AFF3: variants seen among roughly 807,000 people sequenced by gnomAD.
AFF3 encodes the protein ALF transcription elongation factor 3.
A neutral mutation model predicts 129.7 loss-of-function variants in AFF3; 32 were observed. The ratio of observed to expected loss-of-function variants is 0.25; its 90% CI spans 0.19 to 0.33. The LOEUF is 0.33. Ranked by LOEUF, AFF3 falls within the 10% of genes least tolerant of loss-of-function variation. The pLI, the probability that AFF3 is intolerant of heterozygous loss-of-function variation, is 1.00. For synonymous variants in AFF3, 644 were observed against 635.4 expected (o/e 1.01, Z -0.20); for missense variants, 1,373 against 1,592.0 (o/e 0.86, Z 2.34).
chr2:100,059,095 A>G (rs1235656821), intron 4 of AFF3, among the ~76,000 whole-genome samples: 1 of 151,944 alleles, frequency 6.6e-6, no homozygotes, highest in Non-Finnish European at 1.5e-5. Flanking sequence ...TCTATTAAAA[A>G]TACAAAAATT....
intron 4 of AFF3, among the ~76,000 whole-genome samples, chr2:100,095,765 T>C (rs1012320290): frequency 2.0e-5 from 3 of 152,088 alleles, no homozygotes; most frequent in Non-Finnish European, 4.4e-5. Context: ...GCAAAGTCAA[T>C]TGTGCAACAT....
chr2:99,753,328 G>C (rs1681822588), intron 8 of AFF3, among the ~76,000 whole-genome samples: 1 of 152,102 alleles, frequency 6.6e-6, no homozygotes, highest in African/African-American at 2.4e-5. Context: ...TCAAACTCCT[G>C]ACCTCGGGTG....
intron 20 of AFF3, 91 bp from the exon 21 acceptor site, chr2:99,560,527 A>ATGG: frequency 8.3e-7 from 1 of 1,204,164 alleles, no homozygotes; most frequent in Non-Finnish European, 1.2e-6. Flanking sequence ...AACTTCTATG[A>ATGG]TGGTAGTTCT....
intron 7 of AFF3, among the ~76,000 whole-genome samples, chr2:99,944,945 A>T (rs1675413557): frequency 6.6e-6 from 1 of 152,248 alleles, no homozygotes; most frequent in African/African-American, 2.4e-5. Context: ...TGCAGTCATA[A>T]GGACTTCACG....
intron 7 of AFF3, among the ~76,000 whole-genome samples, chr2:99,984,939 G>A (rs980891651): frequency 3.9e-5 from 6 of 152,174 alleles, no homozygotes; most frequent in South Asian, 4.2e-4. Flanking sequence ...AAGCAGCCCC[G>A]TTCTGCACTA....
chr2:99,777,516 T>C (rs1260202181), intron 8 of AFF3, among the ~76,000 whole-genome samples: 1 of 152,100 alleles, frequency 6.6e-6, no homozygotes, highest in African/African-American at 2.4e-5. Context: ...TCTTTGGGCT[T>C]TTCTCAAAGG....
rs574849558 is a variant in AFF3, at chr2:100,041,544, T to C, written c.54-32612A>G. On this transcript the variant is annotated intron_variant, in intron 4 of 24. Transcript: ENST00000672756. ...CCACGTGCCCCCAAATCATATAAAT[T>C]TCACAGTTTCCTAGTCATTAAATCC... 4.6e-5 allele frequency among the ~76,000 whole-genome samples: 7 copies of C among 152,200 alleles called. No homozygotes were observed. The South Asian group carries it at 1.5e-3, about 32-fold the overall frequency.
At chr2:99,823,880 A>G (rs563161283) in intron 8 of AFF3, among the ~76,000 whole-genome samples, 1 of 152,306 alleles carries the variant, frequency 6.6e-6, no homozygotes, top group South Asian at 2.1e-4. Context: ...GTTCTCACTC[A>G]TAAGTAGGTG....
intron 10 of AFF3, among the ~76,000 whole-genome samples, chr2:99,741,117 T>TGCG: frequency 6.6e-6 from 1 of 152,340 alleles, no homozygotes; most frequent in South Asian, 2.1e-4. Flanking sequence ...GTTGTAGACA[T>TGCG]GCGGCGTTAT....
At chr2:99,680,511 T>G (rs1674427445) in intron 11 of AFF3, among the ~76,000 whole-genome samples, 1 of 152,158 alleles carries the variant, frequency 6.6e-6, no homozygotes, top group Non-Finnish European at 1.5e-5. Context: ...TGGACATTAC[T>G]TAAACCTCTT....
In AFF3 at chr2:99,550,150, G is replaced by A; in HGVS notation, c.*1324C>T. ...AAAGAAAAAACATCAGACAAAAACT[G>A]TAAACAAGATGTCAAAGAAACTAAA... On this transcript the variant is annotated 3_prime_UTR_variant, in exon 25 of 25. Coordinates refer to ENST00000672756, the MANE Select transcript of AFF3 (RefSeq NM_001386135.1). 4.4e-6 allele frequency: 1 copy of A among 228,588 alleles called. No homozygotes were observed. Among genetic ancestry groups the A allele is most frequent in the Non-Finnish European group, 8.7e-6 (1 of 115,236 alleles). 14.2% of individuals were successfully genotyped at this position (228,588 alleles called of 1,614,324 possible). A position where few individuals can be genotyped will look rare whatever the true frequency, so the allele number is the denominator to read the frequency against.
chr2:99,591,940 A>G (rs1678723283), intron 15 of AFF3, among the ~76,000 whole-genome samples: 1 of 152,220 alleles, frequency 6.6e-6, no homozygotes, highest in Admixed American at 6.5e-5. Context: ...TAACATGTAT[A>G]AAGTGCCTAG....
At chr2:100,079,417 A>T (rs1688864055) in intron 4 of AFF3, among the ~76,000 whole-genome samples, 1 of 152,216 alleles carries the variant, frequency 6.6e-6, no homozygotes, top group African/African-American at 2.4e-5. Flanking sequence ...GCAAACTAGA[A>T]AACAGATTTC....
intron 2 of AFF3, among the ~76,000 whole-genome samples, chr2:100,122,376 C>T (rs1310823227): frequency 6.6e-6 from 1 of 152,302 alleles, no homozygotes; most frequent in African/African-American, 2.4e-5. Context: ...TATCACCTTC[C>T]TGTAATAGCT....
chr2:99,566,960 T>C (rs1213089457), intron 19 of AFF3, among the ~76,000 whole-genome samples: 1 of 151,792 alleles, frequency 6.6e-6, no homozygotes, highest in Admixed American at 6.6e-5. Flanking sequence ...TAATGCAACA[T>C]TTCTTTTTTC....
At chr2:99,594,425 ATGGAAGCAT>A in intron 14 of AFF3, 136 bp from the exon 15 acceptor site, 1 of 1,323,678 alleles carries the variant, frequency 7.6e-7, no homozygotes, top group Non-Finnish European at 1.0e-6. Flanking sequence ...CAAAAGGAAA[ATGGAAGCAT>A]TAAGCGTGTG....
chr2:99,799,988 G>GA (rs1685816861), intron 8 of AFF3, among the ~76,000 whole-genome samples: 1 of 152,078 alleles, frequency 6.6e-6, no homozygotes, highest in East Asian at 1.9e-4. Context: ...ACCTAACATA[G>GA]AAAAAAATCC....
chr2:100,052,815 G>A (rs545317155), intron 4 of AFF3, among the ~76,000 whole-genome samples: 2 of 152,326 alleles, frequency 1.3e-5, no homozygotes, highest in East Asian at 1.9e-4. Flanking sequence ...AGGACAGGGC[G>A]CTGCACCTGC....
chr2:100,083,737 A>C (rs1478714876), intron 4 of AFF3, among the ~76,000 whole-genome samples: 1 of 152,128 alleles, frequency 6.6e-6, no homozygotes, highest in Non-Finnish European at 1.5e-5. Flanking sequence ...ACAGAAATGC[A>C]GAGACGATGA....
Sources: gnomAD v4.1 joint callset for allele counts (sites outside exome capture counted in the v4.1 genomes callset) on GRCh38, gnomAD v4.1.1 for gene constraint, MANE v1.5 for transcripts, NCBI Gene and HGNC (gene_info 2026-07-23, HGNC 2026-07-21) for gene names.